Variants in MROH1 observed in about 807,000 individuals in gnomAD.
MROH1 encodes maestro heat like repeat family member 1, also known as maestro heat-like repeat-containing protein family member 1.
Under a neutral mutation model 116.5 loss-of-function variants are expected in MROH1, and 117 were observed. The ratio of observed to expected loss-of-function variants is 1.00; its 90% CI spans 0.86 to 1.17. MROH1 has a LOEUF of 1.17. Among genes scored for constraint, MROH1 ranks in the 50% most tolerant of loss-of-function variants. The pLI, the probability that MROH1 is intolerant of heterozygous loss-of-function variation, is 0.00. For missense variants in MROH1, 1,873 were observed against 1,338.5 expected (o/e 1.40, Z -6.23); for synonymous variants, 921 against 583.9 (o/e 1.58, Z -8.32).
intron 14 of MROH1, among the ~76,000 whole-genome samples, chr8:144,226,309 C>T (rs1361621680): frequency 6.6e-6 from 1 of 152,176 alleles, no homozygotes; most frequent in Non-Finnish European, 1.5e-5. Flanking sequence ...GTTGAGAACA[C>T]TCTTCTCTGT....
rs1045133142 is a variant in MROH1, at chr8:144,250,236, C to T, written c.3298C>T (p.Arg1100Cys). ...GGTGCCCGAGATCGTGAGCGTCCTG[C>T]GCTCCAAGCTTCAGGAGGCCCAGGG... is the stretch of plus-strand genomic sequence containing the variant. ...EKVPEIVSVL[R>C]SKLQEAQGEH... Residue 1100 changes from arginine to cysteine, a missense_variant, in exon 33 of 44, where the codon CGC becomes TGC. By Grantham distance (180) the Arg-to-Cys change is radical. Transcript: ENST00000326134. 18 of 767,736 alleles carry T rather than the reference C, an allele frequency of 2.3e-5. No individual in the cohort carries two copies. The Middle Eastern group carries it at 8.9e-4, about 38-fold the overall frequency. 47.6% of individuals were successfully genotyped at this position (767,736 alleles called of 1,614,324 possible).
rs978194625 is a variant in MROH1, at chr8:144,239,598, C to T, written c.1633-16C>T. On this transcript the variant is annotated splice_polypyrimidine_tract_variant and intron_variant, in intron 17 of 43. Coordinates refer to ENST00000326134, the MANE Select transcript of MROH1 (RefSeq NM_032450.3). Reference sequence around the variant, plus strand: ...GCTCCCTGCTCAGACCCGGCTCCCACGCTGCCTCTTTTCAGGTTGTGTCTT... The same window carrying T: ...GCTCCCTGCTCAGACCCGGCTCCCATGCTGCCTCTTTTCAGGTTGTGTCTT... 82 of 771,170 alleles carry T rather than the reference C, an allele frequency of 1.1e-4. No homozygotes were observed. The African/African-American group carries it at 1.1e-3, about 10-fold the overall frequency. 47.8% of individuals were successfully genotyped at this position (771,170 alleles called of 1,614,324 possible).
At chr8:144,204,201 C>T (rs1832343546) in intron 12 of MROH1, among the ~76,000 whole-genome samples, 1 of 152,178 alleles carries the variant, frequency 6.6e-6, no homozygotes, top group Non-Finnish European at 1.5e-5. Flanking sequence ...GCCTTGAGCT[C>T]CTGTGCTCAA....
At position 144,250,277 on chromosome 8, in the gene MROH1, G is replaced by C; in HGVS notation, c.3339G>C (p.Pro1113=). 1.3e-6 allele frequency: 1 copy of C among 766,914 alleles called. No homozygotes were observed. Among genetic ancestry groups the C allele is most frequent in the South Asian group, 1.4e-5 (1 of 73,248 alleles). 47.5% of individuals were successfully genotyped at this position (766,914 alleles called of 1,614,324 possible). ...AGGCCCAGGGAGAGCACGTCCTGCCGGCCGCCCAGCACAGCGTGTACCTCC... is the reference window on the plus strand; with the variant it reads ...AGGCCCAGGGAGAGCACGTCCTGCCCGCCGCCCAGCACAGCGTGTACCTCC... ...LQEAQGEHVL[P]AAQHSVYLLA... is the part of the protein sequence containing the mutation. Residue 1113 remains proline (P), a synonymous_variant, in exon 33 of 44, where the codon CCG becomes CCC. Transcript: ENST00000326134.
At position 144,258,346 on chromosome 8, in the gene MROH1, G is replaced by C. The variant is rs988706836; in HGVS notation, c.3792-431G>C. On this transcript the variant is annotated intron_variant, in intron 35 of 43. Transcript: ENST00000326134. Reference sequence around the variant, plus strand: ...GACACTGGGAGTGGATCAGGGGCCTGCTCGCCTCCCAGAGGGCTGTGGAGT... The same window carrying C: ...GACACTGGGAGTGGATCAGGGGCCTCCTCGCCTCCCAGAGGGCTGTGGAGT... Among the ~76,000 whole-genome samples the C allele has an allele frequency of 3.5e-4, 54 of 152,324 alleles. No homozygotes were observed. In the East Asian group the frequency reaches 4.6e-3, roughly 13 times the overall value.
intron 10 of MROH1, among the ~76,000 whole-genome samples, chr8:144,193,545 A>G (rs1001755900): frequency 1.3e-5 from 2 of 152,246 alleles, no homozygotes; most frequent in African/African-American, 2.4e-5. Flanking sequence ...GAGGTTTTGC[A>G]TAAAGTAGCA....
At chr8:144,205,168 G>T (rs1378319141) in intron 12 of MROH1, among the ~76,000 whole-genome samples, 3 of 152,184 alleles carry the variant, frequency 2.0e-5, no homozygotes, top group Admixed American at 2.0e-4. Context: ...GGGATTACAG[G>T]CGTGAGCCAT....
intron 1 of MROH1, among the ~76,000 whole-genome samples, chr8:144,155,171 G>A (rs1203085563): frequency 1.3e-5 from 2 of 151,874 alleles, no homozygotes; most frequent in Admixed American, 1.3e-4. Context: ...GGCTGGTCTC[G>A]AACTCCTGAC....
At chr8:144,164,891 G>A (rs1008739342) in intron 3 of MROH1, among the ~76,000 whole-genome samples, 1 of 152,246 alleles carries the variant, frequency 6.6e-6, no homozygotes, top group Non-Finnish European at 1.5e-5. Context: ...TTCAATGTCT[G>A]TGAGGGCTGT....
chr8:144,244,195 G>T, intron 26 of MROH1, 27 bp from the exon 27 acceptor site: 1 of 716,048 alleles, frequency 1.4e-6, no homozygotes. Context: ...TAGGATCATT[G>T]TCTGGGGCCC....
Position 144,258,693 on chromosome 8 carries a change from C to T in MROH1, c.3792-84C>T, listed in dbSNP as rs1844393668. The stretch of plus-strand genomic sequence containing the variant: ...GGCTAGCCACCAGGTGGGCAACACG[C>T]ATTGGGTGCAGACCTGAGGAGTTAA... On this transcript the variant is annotated intron_variant, in intron 35 of 43. Transcript: ENST00000326134. 3 of 702,962 alleles carry T rather than the reference C, an allele frequency of 4.3e-6. No homozygotes were observed. The Admixed American group carries it at 6.0e-5, about 14-fold the overall frequency. 43.5% of individuals were successfully genotyped at this position (702,962 alleles called of 1,614,324 possible).
chr8:144,176,339 C>T (rs1823900819), intron 4 of MROH1, among the ~76,000 whole-genome samples: 1 of 149,426 alleles, frequency 6.7e-6, no homozygotes, highest in Non-Finnish European at 1.5e-5. Context: ...TGCCACAGCA[C>T]TCCAGCCTGG....
At chr8:144,187,744 A>G (rs896915274) in intron 7 of MROH1, among the ~76,000 whole-genome samples, 1 of 152,250 alleles carries the variant, frequency 6.6e-6, no homozygotes, top group East Asian at 1.9e-4. Context: ...AGGCAGTGCT[A>G]GAAGGTGGCC....
At chr8:144,225,356 A>G (rs1384484219) in intron 14 of MROH1, among the ~76,000 whole-genome samples, 1 of 152,112 alleles carries the variant, frequency 6.6e-6, no homozygotes, top group Non-Finnish European at 1.5e-5. Context: ...TTGTTCTTGA[A>G]TAGAGACAGC....
intron 4 of MROH1, among the ~76,000 whole-genome samples, chr8:144,176,325 A>T (rs1823898614): frequency 6.7e-6 from 1 of 149,756 alleles, no homozygotes; most frequent in South Asian, 2.1e-4. Flanking sequence ...GTGAGCTGAG[A>T]TTGTGCCACA....
intron 12 of MROH1, among the ~76,000 whole-genome samples, chr8:144,206,466 A>G (rs2131994781): frequency 6.8e-6 from 1 of 147,988 alleles, no homozygotes; most frequent in East Asian, 2.0e-4. Context: ...CTTGTTGCCC[A>G]GGCTGGAAGG....
intron 10 of MROH1, among the ~76,000 whole-genome samples, chr8:144,195,617 C>T (rs1234959040): frequency 1.3e-5 from 2 of 150,974 alleles, no homozygotes; most frequent in African/African-American, 2.4e-5. Flanking sequence ...ATTGAGATTA[C>T]AGATGTGAGC....
intron 12 of MROH1, among the ~76,000 whole-genome samples, chr8:144,211,877 A>T (rs1419138912): frequency 6.6e-6 from 1 of 152,192 alleles, no homozygotes; most frequent in Non-Finnish European, 1.5e-5. Flanking sequence ...CAGAGCAGTC[A>T]TCACCATCAC....
In MROH1 at chr8:144,243,632, G is replaced by GCCTGGCAGGTCCTCAGGCAGGTT. The variant is rs1227142394; in HGVS notation, c.2475+22_2475+44dup. 1 of 777,830 alleles carries GCCTGGCAGGTCCTCAGGCAGGTT rather than the reference G, an allele frequency of 1.3e-6. No individual in the cohort carries two copies. Among genetic ancestry groups the GCCTGGCAGGTCCTCAGGCAGGTT allele is most frequent in the African/African-American group, 1.7e-5 (1 of 59,114 alleles). The allele number at this position is 777,830 out of a possible 1,614,324, so 48.2% of individuals were successfully genotyped here. The stretch of plus-strand genomic sequence containing the variant: ...ACAGATGATGGTGAGCGTGGCCGTG[G>GCCTGGCAGGTCCTCAGGCAGGTT]CCTGGCAGGTCCTCAGGCAGGTTCC... On this transcript the variant is annotated intron_variant, in intron 25 of 43. Transcript: ENST00000326134.
Sources: allele counts gnomAD v4.1 joint callset (sites outside exome capture counted in the v4.1 genomes callset), GRCh38; gene constraint gnomAD v4.1.1; transcripts MANE v1.5; gene names NCBI Gene and HGNC (gene_info 2026-07-23, HGNC 2026-07-21).